The following KCNT2 variants were observed in gnomAD, a reference collection of about 807,000 sequenced individuals.
KCNT2 encodes potassium channel subfamily T member 2.
Under a neutral mutation model 153.8 loss-of-function variants are expected in KCNT2, and 67 were observed. The ratio of observed to expected loss-of-function variants is 0.44; its 90% CI spans 0.36 to 0.53. The LOEUF (loss-of-function observed/expected upper bound fraction) is 0.53. KCNT2 is among the 20% of genes least tolerant of loss of function. The pLI, the probability that KCNT2 is intolerant of heterozygous loss-of-function variation, is 0.00. For synonymous variants in KCNT2, 500 were observed against 458.8 expected (o/e 1.09, Z -1.15); for missense variants, 975 against 1,354.8 (o/e 0.72, Z 4.40).
intron 13 of KCNT2, among the ~76,000 whole-genome samples, chr1:196,386,844 T>C (rs975208020): frequency 2.6e-5 from 4 of 152,092 alleles, no homozygotes; most frequent in African/African-American, 9.7e-5. Context: ...TTGTTATGAA[T>C]GAAAGTGGCT....
intron 10 of KCNT2, 63 bp downstream of exon 10, chr1:196,428,042 T>C (rs757041886): frequency 2.7e-5 from 35 of 1,291,936 alleles, no homozygotes; most frequent in Non-Finnish European, 3.7e-5. Context: ...CATCAGTTAA[T>C]TGACTTTGAC....
chr1:196,418,581 T>G (rs1179097498), intron 12 of KCNT2, among the ~76,000 whole-genome samples: 1 of 151,970 alleles, frequency 6.6e-6, no homozygotes, highest in Non-Finnish European at 1.5e-5. Context: ...CCCAGCAGAG[T>G]TGGTTTCCTC....
At chr1:196,567,701 T>G (rs1660276500) in intron 1 of KCNT2, among the ~76,000 whole-genome samples, 2 of 152,168 alleles carry the variant, frequency 1.3e-5, no homozygotes, top group Non-Finnish European at 2.9e-5. Flanking sequence ...AAGTTAGATG[T>G]TCTGTGGAGA....
intron 1 of KCNT2, among the ~76,000 whole-genome samples, chr1:196,577,727 A>G (rs1661533719): frequency 6.6e-6 from 1 of 152,130 alleles, no homozygotes; most frequent in Non-Finnish European, 1.5e-5. Context: ...AGTGATGGGG[A>G]ATAAGTCCTA....
chr1:196,502,554 T>C (rs1680788942), intron 1 of KCNT2, among the ~76,000 whole-genome samples: 1 of 152,204 alleles, frequency 6.6e-6, no homozygotes. Context: ...CAACTATCAA[T>C]TTCTTTTGTT....
intron 26 of KCNT2, among the ~76,000 whole-genome samples, chr1:196,239,050 T>C (rs1415883989): frequency 6.6e-6 from 1 of 151,862 alleles, no homozygotes; most frequent in Non-Finnish European, 1.5e-5. Context: ...TCATTGACTA[T>C]GGCAAAGATA....
At chr1:196,433,324 A>C (rs1674325212) in intron 8 of KCNT2, among the ~76,000 whole-genome samples, 1 of 152,102 alleles carries the variant, frequency 6.6e-6, no homozygotes, top group Admixed American at 6.6e-5. Flanking sequence ...AAATTAAAAG[A>C]AGCCAAGTTC....
chr1:196,352,338 A>G (rs1177243696), intron 14 of KCNT2, among the ~76,000 whole-genome samples: 1 of 150,996 alleles, frequency 6.6e-6, no homozygotes, highest in Non-Finnish European at 1.5e-5. Context: ...CTGGTCCTGG[A>G]CTCTTTTTGG....
intron 14 of KCNT2, among the ~76,000 whole-genome samples, chr1:196,365,977 T>C (rs1428633119): frequency 6.6e-6 from 1 of 152,142 alleles, no homozygotes; most frequent in South Asian, 2.1e-4. Flanking sequence ...TTCAAGGCTT[T>C]AAATGGGGTT....
intron 26 of KCNT2, among the ~76,000 whole-genome samples, chr1:196,244,391 GC>G (rs1655235954): frequency 6.6e-6 from 1 of 152,114 alleles, no homozygotes. Flanking sequence ...CACCAAGTGG[GC>G]TTTTACTGTC....
intron 22 of KCNT2, among the ~76,000 whole-genome samples, chr1:196,303,166 A>C (rs1661342292): frequency 6.6e-6 from 1 of 152,096 alleles, no homozygotes; most frequent in African/African-American, 2.4e-5. Context: ...AAATCTCTGA[A>C]AAGCTGAATA....
chr1:196,480,546 C>A (rs1428904756), intron 4 of KCNT2, among the ~76,000 whole-genome samples: 1 of 151,998 alleles, frequency 6.6e-6, no homozygotes, highest in African/African-American at 2.4e-5. Context: ...TAACATTTTA[C>A]TCAAAGTGCT....
chr1:196,501,701 A>G (rs991737652), intron 1 of KCNT2, among the ~76,000 whole-genome samples: 16 of 152,226 alleles, frequency 1.1e-4, no homozygotes, highest in African/African-American at 3.9e-4. Flanking sequence ...ACAACACAAT[A>G]TACCCATTCA....
At chr1:196,598,858 C>T (rs1027416166) in intron 1 of KCNT2, among the ~76,000 whole-genome samples, 1 of 152,176 alleles carries the variant, frequency 6.6e-6, no homozygotes, top group Non-Finnish European at 1.5e-5. Context: ...ATGTTTGACA[C>T]ATGCTAAGTA....
intron 8 of KCNT2, among the ~76,000 whole-genome samples, chr1:196,454,822 C>A (rs1676516236): frequency 6.6e-6 from 1 of 151,946 alleles, no homozygotes; most frequent in South Asian, 2.1e-4. Flanking sequence ...GTCCAGAAGT[C>A]TAGGTAGGCT....
chr1:196,519,671 GCA>G (rs1653082523), intron 1 of KCNT2, among the ~76,000 whole-genome samples: 1 of 152,088 alleles, frequency 6.6e-6, no homozygotes, highest in Non-Finnish European at 1.5e-5. Context: ...ACACCTCTAT[GCA>G]CACAAACTAG....
intron 14 of KCNT2, among the ~76,000 whole-genome samples, chr1:196,346,434 C>T (rs972765954): frequency 6.6e-6 from 1 of 152,130 alleles, no homozygotes; most frequent in Non-Finnish European, 1.5e-5. Flanking sequence ...ACTCCTTTAT[C>T]AAACACCAAA....
At chr1:196,262,389 A>G (rs1377196740) in intron 25 of KCNT2, among the ~76,000 whole-genome samples, 1 of 152,028 alleles carries the variant, frequency 6.6e-6, no homozygotes, top group Non-Finnish European at 1.5e-5. Context: ...CAGACTTCAT[A>G]GTACTCTAAA....
At chr1:196,430,102 G>A (rs35582782) in intron 8 of KCNT2, among the ~76,000 whole-genome samples, 70,548 of 151,670 alleles carry the variant, frequency 0.47, 18,799 homozygotes, top group Middle Eastern at 0.69. Context: ...AAAATACCAA[G>A]TCTTTTCTTT....
Sources: allele counts gnomAD v4.1 joint callset (sites outside exome capture counted in the v4.1 genomes callset), GRCh38; gene constraint gnomAD v4.1.1; transcripts MANE v1.5; gene names NCBI Gene and HGNC (gene_info 2026-07-23, HGNC 2026-07-21).